Variants in ADGRL2 observed in about 807,000 individuals in gnomAD.
ADGRL2 encodes the protein adhesion G protein-coupled receptor L2, also known as calcium-independent alpha-latrotoxin receptor 2.
A neutral mutation model predicts 157.4 loss-of-function variants in ADGRL2; 44 were observed. The observed-to-expected ratio is 0.28, with a 90% confidence interval of 0.22 to 0.36. The LOEUF is 0.36. ADGRL2 is among the 10% of genes least tolerant of loss of function. The probability of loss-of-function intolerance (pLI) is 1.00; values close to 1 mark genes in which losing one functional copy is unlikely to be tolerated. For missense variants in ADGRL2, 1,510 were observed against 1,768.9 expected (o/e 0.85, Z 2.63); for synonymous variants, 585 against 624.7 (o/e 0.94, Z 0.95).
At chr1:81,985,534 A>C (rs1662902625) in intron 21 of ADGRL2, 179 bp downstream of exon 21, 1 of 391,864 alleles carries the variant, frequency 2.6e-6, no homozygotes, top group South Asian at 7.4e-5. Context: ...GGGAGTACAG[A>C]TTTATCCTTT....
rs34701013 is a variant in ADGRL2 at position 81,425,860 on chromosome 1, A to AATTTATTTATTT, written c.-301-19162_-301-19151dup. Among the ~76,000 whole-genome samples, 302 of 149,720 alleles carry AATTTATTTATTT rather than the reference A, an allele frequency of 2.0e-3. 2 individuals are homozygous for AATTTATTTATTT. Among genetic ancestry groups the AATTTATTTATTT allele is most frequent in the African/African-American group, 7.2e-3 (294 of 40,698 alleles). ...AGACAGCTTAACAAAAGAAAATACA[A>AATTTATTTATTT]ATTTATTTATTTATTTATTTATTTA... On this transcript the variant is annotated intron_variant, in intron 1 of 24. Transcript: ENST00000370721.
Position 81,987,163 on chromosome 1 carries a change from C to CT in ADGRL2, c.3637+134_3637+135insT. The CT allele has an allele frequency of 1.4e-5, 18 of 1,322,230 alleles. 1 individual carries two copies. In the South Asian group the frequency reaches 2.5e-4, roughly 19 times the overall value. 81.9% of individuals were successfully genotyped at this position (1,322,230 alleles called of 1,614,324 possible). A position where few individuals can be genotyped will look rare whatever the true frequency, so the allele number is the denominator to read the frequency against. Reference sequence around the variant, plus strand: ...TTAATTTCTCAGTTAAAAAAAATTACGGTATTGTCTATGCCAGGCTTCTAA... The same window carrying CT: ...TTAATTTCTCAGTTAAAAAAAATTACTGGTATTGTCTATGCCAGGCTTCTAA... On this transcript the variant is annotated intron_variant, in intron 22 of 23. Transcript: ENST00000686636.
At chr1:81,322,029 T>C (rs558207243) in intron 1 of ADGRL2, among the ~76,000 whole-genome samples, 1 of 149,930 alleles carries the variant, frequency 6.7e-6, no homozygotes, top group Admixed American at 6.7e-5. Context: ...ATATTCTTTA[T>C]ATATTTTTTG....
chr1:81,917,958 A>G (rs2094896743), intron 3 of ADGRL2, among the ~76,000 whole-genome samples: 1 of 152,208 alleles, frequency 6.6e-6, no homozygotes, highest in African/African-American at 2.4e-5. Flanking sequence ...TACAGTAAAA[A>G]TTGGCAGAAA....
At position 81,378,818 on chromosome 1, in the gene ADGRL2, C is replaced by G. The variant is rs549999586; in HGVS notation, c.-301-66218C>G. On this transcript the variant is annotated intron_variant, in intron 1 of 24. Transcript: ENST00000370721. ...GAGAGTAGTCCCTAATCTTTTAACC[C>G]TCTTTAACCATAGTTAACATCCAAT... 3.3e-5 allele frequency among the ~76,000 whole-genome samples: 5 copies of G among 152,202 alleles called. No homozygotes were observed. The South Asian group carries it at 8.3e-4, about 25-fold the overall frequency.
At chr1:81,590,311 T>C (rs6662805) in intron 3 of ADGRL2, among the ~76,000 whole-genome samples, 3,575 of 152,234 alleles carry the variant, frequency 0.023, 116 homozygotes, top group African/African-American at 0.082. Context: ...ATTATGTGTA[T>C]GAACCAATAC....
chr1:81,766,061 TTTCATACAACTTTTTGG>T (rs564051774), intron 2 of ADGRL2, among the ~76,000 whole-genome samples: 72 of 152,288 alleles, frequency 4.7e-4, no homozygotes, highest in Non-Finnish European at 8.5e-4. Context: ...GGATTTCCGG[TTTCATACAACTTTTTGG>T]TTCATTTCAC....
chr1:81,611,990 C>T (rs867244053), intron 3 of ADGRL2, among the ~76,000 whole-genome samples: 21 of 152,108 alleles, frequency 1.4e-4, no homozygotes, highest in South Asian at 6.2e-4. Flanking sequence ...TCTTCCCCTT[C>T]GCCTCCTGCC....
chr1:81,419,389 G>A (rs1293827215), intron 1 of ADGRL2, among the ~76,000 whole-genome samples: 1 of 151,970 alleles, frequency 6.6e-6, no homozygotes, highest in Non-Finnish European at 1.5e-5. Context: ...TTTTCTTTTA[G>A]TGGAAACAGG....
chr1:81,943,659 A>G lies in ADGRL2; in HGVS notation c.1100A>G (p.Gln367Arg). 6.2e-7 allele frequency: 1 copy of G among 1,613,608 alleles called. No homozygotes were observed. The highest frequency in any genetic ancestry group is 8.5e-7 in the Non-Finnish European group (1 of 1,179,620). The change falls in exon 6 of 24, where the codon CAG becomes CGG. Residue 367 changes from glutamine (Q) to arginine (R), a missense_variant. Gln to Arg is a conservative substitution (Grantham distance 43, BLOSUM62 1). Transcript: ENST00000686636. The surrounding 1 kb of genome is among the most constrained non-coding windows in gnomAD (Gnocchi z 5.6). ...YVDVPFPNQY[Q>R]YIAAVDYNPR... ...GATGTTCCCTTCCCCAACCAGTATCAGTATATTGCTGCAGTGGATTACAAT... is the reference window on the plus strand; with the variant it reads ...GATGTTCCCTTCCCCAACCAGTATCGGTATATTGCTGCAGTGGATTACAAT...
intron 2 of ADGRL2, among the ~76,000 whole-genome samples, chr1:81,856,605 A>G (rs142326903): frequency 2.7e-4 from 41 of 152,296 alleles, no homozygotes; most frequent in African/African-American, 8.7e-4. Flanking sequence ...TTTATTAAAT[A>G]TATCTAGGCC....
intron 1 of ADGRL2, among the ~76,000 whole-genome samples, chr1:81,396,683 G>T (rs1415026730): frequency 1.3e-5 from 2 of 152,154 alleles, no homozygotes; most frequent in East Asian, 3.9e-4. Flanking sequence ...TAACTAGTCT[G>T]TGAGGGGTTT....
chr1:81,389,817 A>G (rs928121214), intron 1 of ADGRL2, among the ~76,000 whole-genome samples: 15 of 152,270 alleles, frequency 9.9e-5, no homozygotes, highest in African/African-American at 3.6e-4. Context: ...TGCAATGTGG[A>G]CCTACTATAA....
At chr1:81,357,343 TA>T (rs1346834175) in intron 1 of ADGRL2, among the ~76,000 whole-genome samples, 2 of 152,198 alleles carry the variant, frequency 1.3e-5, no homozygotes, top group East Asian at 3.9e-4. Context: ...CCTGGATATA[TA>T]ACACCAGCCT....
intron 1 of ADGRL2, among the ~76,000 whole-genome samples, chr1:81,343,121 C>T (rs1382281058): frequency 7.8e-6 from 1 of 128,750 alleles, no homozygotes; most frequent in Non-Finnish European, 1.6e-5. Context: ...CAGAATCTCA[C>T]TCTGCTGCCC....
chr1:81,309,435 G>A (rs919440864), intron 1 of ADGRL2, among the ~76,000 whole-genome samples: 4 of 152,044 alleles, frequency 2.6e-5, no homozygotes, highest in African/African-American at 9.7e-5. Context: ...GACAGAACTG[G>A]GATGTGAACC....
At chr1:81,457,102 G>T (rs1395170187) in intron 2 of ADGRL2, among the ~76,000 whole-genome samples, 3 of 152,100 alleles carry the variant, frequency 2.0e-5, no homozygotes, top group Non-Finnish European at 2.9e-5. Flanking sequence ...TCCTTTACAA[G>T]AAAGATGTAA....
rs187642741 is a variant in ADGRL2 at position 81,763,446 on chromosome 1, G to T, written c.-101+1594G>T. Among the ~76,000 whole-genome samples the T allele has an allele frequency of 2.0e-3, 303 of 151,742 alleles. 5 individuals carry two copies. The highest frequency in any genetic ancestry group is 3.4e-3 in the Non-Finnish European group (234 of 67,886). ...CTAAAAATATAAAAATTAGCTAGCT[G>T]GGTATGGTGGTGAGTCCCTATAATC... On this transcript the variant is annotated intron_variant, in intron 2 of 20. Coordinates refer to the ADGRL2 transcript ENST00000359929.
intron 2 of ADGRL2, among the ~76,000 whole-genome samples, chr1:81,788,779 G>T (rs1461280151): frequency 6.6e-6 from 1 of 151,910 alleles, no homozygotes; most frequent in Non-Finnish European, 1.5e-5. Context: ...GCAGTGGCAC[G>T]ATATGGGCTC....
Sources: allele counts gnomAD v4.1 joint callset (sites outside exome capture counted in the v4.1 genomes callset), GRCh38; gene constraint gnomAD v4.1.1; non-coding constraint Gnocchi (gnomAD v3.1); transcripts MANE v1.5; gene names NCBI Gene and HGNC (gene_info 2026-07-23, HGNC 2026-07-21).